Variants in MCF2L observed in about 807,000 individuals in gnomAD.
MCF2L encodes MCF.2 cell line derived transforming sequence like.
MCF2L carries 97 observed loss-of-function variants against 153.4 expected under a neutral mutation model. That is an observed-to-expected ratio of 0.63 (90% CI 0.54 to 0.75). MCF2L has a LOEUF of 0.75. MCF2L is among the 30% of genes least tolerant of loss of function. MCF2L has a pLI of 0.00. For synonymous variants in MCF2L, 659 were observed against 632.2 expected (o/e 1.04, Z -0.64); for missense variants, 1,347 against 1,495.2 (o/e 0.90, Z 1.64).
rs2081691915 is a variant in MCF2L at position 112,951,394 on chromosome 13, C to T, written c.169+49023C>T. 6.6e-6 allele frequency among the ~76,000 whole-genome samples: 1 copy of T among 152,208 alleles called. No individual in the cohort carries two copies. On this transcript the variant is annotated intron_variant, in intron 2 of 29. Coordinates refer to the MCF2L transcript ENST00000375608. This position sits in a 1 kb window ranked among gnomAD's most constrained non-coding sequence, Gnocchi z 4.8. ...ATCAAAATTTATGTGCACATAAATACAGGCATATGAATGTTTATATTCGTT... is the reference window on the plus strand; with the variant it reads ...ATCAAAATTTATGTGCACATAAATATAGGCATATGAATGTTTATATTCGTT...
At chr13:113,065,653 G>A (rs984818258) in intron 7 of MCF2L, among the ~76,000 whole-genome samples, 1 of 152,262 alleles carries the variant, frequency 6.6e-6, no homozygotes, top group Non-Finnish European at 1.5e-5. Context: ...TGCTGGCTTT[G>A]CAGCAATGGT....
rs185854708 is a variant in MCF2L at position 112,907,909 on chromosome 13, C to T, written c.169+5538C>T. 1.1e-4 allele frequency among the ~76,000 whole-genome samples: 16 copies of T among 152,286 alleles called. No individual in the cohort carries two copies. In the East Asian group the frequency reaches 2.3e-3, roughly 22 times the overall value. ...TTATAGTTCTGAGTCTCGAGTGAGA[C>T]GGCCTCTGAAGATGAACATGTTGTT... On this transcript the variant is annotated intron_variant, in intron 2 of 29. Coordinates refer to the MCF2L transcript ENST00000375608. This position sits in a 1 kb window ranked among gnomAD's most constrained non-coding sequence, Gnocchi z 5.1.
At chr13:112,964,364 C>T (rs1440529127), upstream of MCF2L, among the ~76,000 whole-genome samples, 1 of 152,224 alleles carries the variant, frequency 6.6e-6, no homozygotes, top group African/African-American at 2.4e-5. Flanking sequence ...AATACCCGGG[C>T]TGCCCCCAGG....
At position 112,991,756 on chromosome 13, in the gene MCF2L, G is replaced by A. The variant is rs144578953; in HGVS notation, c.79+22298G>A. On this transcript the variant is annotated intron_variant, in intron 1 of 29. Coordinates refer to ENST00000535094, the MANE Select transcript of MCF2L (RefSeq NM_001112732.3). ...GCCGGGAAAGGGGGTCATTTGCTCA[G>A]AGCCAGGAGCCCTTCCCTGCGGGTT... Among the ~76,000 whole-genome samples, 8 of 152,306 alleles carry A rather than the reference G, an allele frequency of 5.3e-5. No individual in the cohort carries two copies. The East Asian group carries it at 5.8e-4, about 11-fold the overall frequency.
At chr13:113,050,919 G>A (rs2087262760) in intron 4 of MCF2L, among the ~76,000 whole-genome samples, 1 of 152,074 alleles carries the variant, frequency 6.6e-6, no homozygotes, top group African/African-American at 2.4e-5. Context: ...AAAGCAGCTG[G>A]CTGCCGAGGG....
At chr13:113,033,593 C>T (rs1163450283) in intron 3 of MCF2L, among the ~76,000 whole-genome samples, 1 of 152,178 alleles carries the variant, frequency 6.6e-6, no homozygotes, top group Non-Finnish European at 1.5e-5. Context: ...GAGATTGTGC[C>T]CTGTTTCTGG....
Position 112,905,129 on chromosome 13 carries a change from C to T in MCF2L, c.169+2758C>T, listed in dbSNP as rs376028391. On this transcript the variant is annotated intron_variant, in intron 2 of 29. Coordinates refer to the MCF2L transcript ENST00000375608. ...CTCGGAGTTGCAAAGAAAACGAGCACGTAAATAAAGGATTTCTCAACAAGG... is the reference window on the plus strand; with the variant it reads ...CTCGGAGTTGCAAAGAAAACGAGCATGTAAATAAAGGATTTCTCAACAAGG... Among the ~76,000 whole-genome samples the T allele has an allele frequency of 4.2e-4, 64 of 152,298 alleles. 2 individuals are homozygous for T. In the East Asian group the frequency reaches 6.8e-3, roughly 16 times the overall value.
chr13:113,081,071 C>T, intron 15 of MCF2L, 142 bp from the exon 16 acceptor site: 1 of 639,824 alleles, frequency 1.6e-6, no homozygotes, highest in Non-Finnish European at 2.6e-6. Flanking sequence ...GAGGAGCGTC[C>T]AGCCTGTGGG....
At chr13:113,003,013 A>G (rs2083466759) in intron 1 of MCF2L, among the ~76,000 whole-genome samples, 2 of 152,120 alleles carry the variant, frequency 1.3e-5, no homozygotes, top group African/African-American at 4.8e-5. Context: ...TTAAAAAAAA[A>G]AAAAAAAAAT....
rs185935881 is a variant in MCF2L, at chr13:112,916,052, A to T, written c.169+13681A>T. ...TCTCTACTAAAAATACAAAAAAAAA[A>T]AAAAAATTAGCCGGGCATGATGGCG... On this transcript the variant is annotated intron_variant, in intron 2 of 29. Transcript: ENST00000375608. Among the ~76,000 whole-genome samples, 8 of 151,798 alleles carry T rather than the reference A, an allele frequency of 5.3e-5. No individual in the cohort carries two copies. In the East Asian group the frequency reaches 1.6e-3, roughly 29 times the overall value.
chr13:112,916,365 T>G (rs1035542768), intron 2 of MCF2L, among the ~76,000 whole-genome samples: 5 of 152,262 alleles, frequency 3.3e-5, no homozygotes, highest in African/African-American at 1.2e-4. Context: ...TTCACTGATT[T>G]GTGCTTTTGC....
intron 2 of MCF2L, among the ~76,000 whole-genome samples, chr13:112,961,361 C>T (rs1208748601): frequency 6.6e-6 from 1 of 152,220 alleles, no homozygotes; most frequent in African/African-American, 2.4e-5. Flanking sequence ...ATTTGCCTTC[C>T]CACGAGCAGT....
At chr13:113,078,880 C>T (rs886897742) in intron 15 of MCF2L, 141 bp downstream of exon 15, 29 of 814,124 alleles carry the variant, frequency 3.6e-5, no homozygotes, top group East Asian at 5.3e-5. Flanking sequence ...TTGCACCAAC[C>T]GATACCCAGA....
At chr13:112,911,055 C>G (rs2081226115) in intron 2 of MCF2L, among the ~76,000 whole-genome samples, 1 of 152,220 alleles carries the variant, frequency 6.6e-6, no homozygotes, top group African/African-American at 2.4e-5. Flanking sequence ...GCCCTGGGAC[C>G]TGGCCGCTCC....
intron 2 of MCF2L, among the ~76,000 whole-genome samples, chr13:112,955,563 G>A (rs190830814): frequency 1.1e-4 from 17 of 152,262 alleles, no homozygotes; most frequent in African/African-American, 3.9e-4. Context: ...TTACAGATGG[G>A]GCTACTGAGG....
Position 112,993,646 on chromosome 13 carries a change from C to T in MCF2L, c.80-21117C>T, listed in dbSNP as rs1054978113. Among the ~76,000 whole-genome samples, 11 of 152,044 alleles carry T rather than the reference C, an allele frequency of 7.2e-5. No homozygotes were observed. Among genetic ancestry groups the T allele is most frequent in the African/African-American group, 2.7e-4 (11 of 41,376 alleles). ...TTCTTGGAGAGAGGGAGCGAGAAGT[C>T]ATCGTCAATGGCCCCACGATGTCAG... On this transcript the variant is annotated intron_variant, in intron 1 of 29. Coordinates refer to ENST00000535094, the MANE Select transcript of MCF2L (RefSeq NM_001112732.3). This position sits in a 1 kb window ranked among gnomAD's most constrained non-coding sequence, Gnocchi z 4.6.
At position 113,083,965 on chromosome 13, in the gene MCF2L, C is replaced by T. The variant is rs1430633111; in HGVS notation, c.1992-33C>T. ...CACTGGTCCACGTGACTCGGCCTGT[C>T]TTTCATACTACTTAAAAACCTTCTT... On this transcript the variant is annotated intron_variant, in intron 17 of 29. Transcript: ENST00000535094. 8 of 1,539,744 alleles carry T rather than the reference C, an allele frequency of 5.2e-6. 1 individual carries two copies. The highest frequency in any genetic ancestry group is 6.3e-6 in the Non-Finnish European group (7 of 1,112,384).
At chr13:113,091,870 TC>T (rs1349490438) in intron 26 of MCF2L, among the ~76,000 whole-genome samples, 1 of 152,166 alleles carries the variant, frequency 6.6e-6, no homozygotes, top group Non-Finnish European at 1.5e-5. Flanking sequence ...TTGCAAAGGT[TC>T]CCAGGGGTGT....
chr13:112,944,680 G>A (rs2081618202), intron 2 of MCF2L, among the ~76,000 whole-genome samples: 1 of 151,856 alleles, frequency 6.6e-6, no homozygotes, highest in East Asian at 1.9e-4. Flanking sequence ...TAGAGATGGG[G>A]TTTCACTGTG....
Sources: allele counts gnomAD v4.1 joint callset (sites outside exome capture counted in the v4.1 genomes callset), GRCh38; gene constraint gnomAD v4.1.1; non-coding constraint Gnocchi (gnomAD v3.1); transcripts MANE v1.5; gene names NCBI Gene and HGNC (gene_info 2026-07-23, HGNC 2026-07-21).